ADCY3: variants seen among roughly 807,000 people sequenced by gnomAD.
ADCY3 encodes the protein adenylate cyclase 3.
ADCY3 carries 70 observed loss-of-function variants against 119.4 expected under a neutral mutation model. The ratio of observed to expected loss-of-function variants is 0.59; its 90% CI spans 0.48 to 0.72. The LOEUF (loss-of-function observed/expected upper bound fraction) is 0.72. ADCY3 is among the 30% of genes least tolerant of loss of function. The probability of loss-of-function intolerance (pLI) is 0.00; values close to 1 mark genes in which losing one functional copy is unlikely to be tolerated. For missense variants in ADCY3, 1,238 were observed against 1,541.6 expected (o/e 0.80, Z 3.30); for synonymous variants, 672 against 621.4 (o/e 1.08, Z -1.21).
At chr2:24,882,152 C>G (rs1228174080) in intron 2 of ADCY3, among the ~76,000 whole-genome samples, 1 of 152,168 alleles carries the variant, frequency 6.6e-6, no homozygotes, top group African/African-American at 2.4e-5. Context: ...CTGATACTTA[C>G]TGAACATAAA....
intron 2 of ADCY3, among the ~76,000 whole-genome samples, chr2:24,904,087 A>G (rs1396333960): frequency 1.3e-5 from 2 of 152,192 alleles, no homozygotes; most frequent in East Asian, 1.9e-4. Context: ...GAGAAAAGAC[A>G]TTAAGTGAAA....
chr2:24,864,592 C>T (rs1674063257), intron 3 of ADCY3, among the ~76,000 whole-genome samples: 2 of 152,312 alleles, frequency 1.3e-5, no homozygotes, highest in South Asian at 2.1e-4. Context: ...TTGAAGACAT[C>T]ATGCTAAGTG....
At chr2:24,883,241 G>A (rs571325551) in intron 2 of ADCY3, among the ~76,000 whole-genome samples, 7 of 152,236 alleles carry the variant, frequency 4.6e-5, no homozygotes, top group South Asian at 4.2e-4. Context: ...CCAGCTACTT[G>A]GGAAGCTGAG....
chr2:24,831,026 C>T (rs1211483576), intron 12 of ADCY3, among the ~76,000 whole-genome samples: 2 of 152,136 alleles, frequency 1.3e-5, no homozygotes, highest in East Asian at 1.9e-4. Flanking sequence ...TGGACCTCCT[C>T]GATGTGCCTG....
intron 3 of ADCY3, among the ~76,000 whole-genome samples, chr2:24,855,122 T>C (rs6760328): frequency 0.31 from 46,364 of 151,928 alleles, 7,274 homozygotes; most frequent in South Asian, 0.39. Flanking sequence ...CCCTTGGCTC[T>C]GGGCTGTGTG....
intron 3 of ADCY3, among the ~76,000 whole-genome samples, chr2:24,856,098 C>T (rs1275152027): frequency 6.6e-6 from 1 of 152,226 alleles, no homozygotes; most frequent in East Asian, 1.9e-4. Context: ...TAAGTTTCTA[C>T]AACATCCTTG....
At chr2:24,853,212 ATG>A (rs1431083207) in intron 3 of ADCY3, among the ~76,000 whole-genome samples, 1 of 152,082 alleles carries the variant, frequency 6.6e-6, no homozygotes, top group Non-Finnish European at 1.5e-5. Flanking sequence ...AGCCAGTGCG[ATG>A]TGTTTTGAGG....
At chr2:24,888,131 AT>A (rs1677280396) in intron 2 of ADCY3, among the ~76,000 whole-genome samples, 1 of 152,186 alleles carries the variant, frequency 6.6e-6, no homozygotes, top group East Asian at 1.9e-4. Flanking sequence ...CAAAACTCAA[AT>A]TTCATCACAA....
chr2:24,912,897 T>G (rs1396830642), intron 2 of ADCY3, among the ~76,000 whole-genome samples: 1 of 152,064 alleles, frequency 6.6e-6, no homozygotes. Flanking sequence ...AGGGAAAGGA[T>G]GGAGGGGTTG....
intron 16 of ADCY3, 83 bp from the exon 17 acceptor site, chr2:24,824,619 C>A (rs190892533): frequency 1.1e-5 from 16 of 1,479,472 alleles, no homozygotes; most frequent in Middle Eastern, 1.8e-4. Flanking sequence ...CCAGGCGTGG[C>A]GGTTCATGCC....
At chr2:24,863,886 T>C (rs1172009967) in intron 3 of ADCY3, among the ~76,000 whole-genome samples, 3 of 152,196 alleles carry the variant, frequency 2.0e-5, no homozygotes, top group Non-Finnish European at 2.9e-5. Context: ...ATAGGAATCC[T>C]TTGGGGAGGG....
At chr2:24,874,305 T>G (rs954669185) in intron 2 of ADCY3, among the ~76,000 whole-genome samples, 6 of 152,228 alleles carry the variant, frequency 3.9e-5, no homozygotes, top group Admixed American at 3.9e-4. Context: ...AATGACCTGT[T>G]GACCTCTTGG....
intron 21 of ADCY3, 56 bp from the exon 22 acceptor site, chr2:24,820,170 GCGGGT>G: frequency 7.5e-7 from 1 of 1,330,356 alleles, no homozygotes; most frequent in Non-Finnish European, 1.0e-6. Context: ...TAGACTGAGG[GCGGGT>G]GGGGGCTTTG....
At chr2:24,911,170 C>T (rs1663572283) in intron 2 of ADCY3, among the ~76,000 whole-genome samples, 1 of 151,680 alleles carries the variant, frequency 6.6e-6, no homozygotes, top group Non-Finnish European at 1.5e-5. Context: ...AAAACCCTAA[C>T]CCCGTTGGAA....
At chr2:24,827,408 T>C in intron 15 of ADCY3, 138 bp downstream of exon 15, 1 of 870,470 alleles carries the variant, frequency 1.1e-6, no homozygotes, top group African/African-American at 1.7e-5. Flanking sequence ...GAGGAACCCA[T>C]GCCAGCTTCT....
In ADCY3 at chr2:24,878,924, G is replaced by A. The variant is rs1676041151; in HGVS notation, c.676-6205C>T. 6.6e-6 allele frequency among the ~76,000 whole-genome samples: 1 copy of A among 152,084 alleles called. No individual in the cohort carries two copies. Among genetic ancestry groups the A allele is most frequent in the African/African-American group, 2.4e-5 (1 of 41,410 alleles). On this transcript the variant is annotated intron_variant, in intron 2 of 21. Transcript: ENST00000679454. The surrounding 1 kb of genome is among the most constrained non-coding windows in gnomAD (Gnocchi z 4.0). Reference sequence around the variant, plus strand: ...TGCCCTTCTCTGTCCTCACTCCTTCGCCTCGTCGCCTGGAAAGCAAACTCC... The same window carrying A: ...TGCCCTTCTCTGTCCTCACTCCTTCACCTCGTCGCCTGGAAAGCAAACTCC...
intron 2 of ADCY3, among the ~76,000 whole-genome samples, chr2:24,905,386 G>A (rs887832481): frequency 1.3e-5 from 2 of 151,960 alleles, no homozygotes; most frequent in South Asian, 2.1e-4. Flanking sequence ...CGCCCGCCTC[G>A]GCCTCCCAAA....
At chr2:24,892,136 G>C (rs554646606) in intron 2 of ADCY3, among the ~76,000 whole-genome samples, 1 of 151,764 alleles carries the variant, frequency 6.6e-6, no homozygotes, top group Admixed American at 6.6e-5. Context: ...CTTCCTTTAG[G>C]CATGTGTTTC....
chr2:24,865,491 G>C lies in ADCY3; in HGVS notation c.825+7079C>G, dbSNP rs79674006. Among the ~76,000 whole-genome samples the C allele has an allele frequency of 0.015, 535 of 36,212 alleles. 2 individuals are homozygous for C. In the African/African-American group the frequency reaches 0.22, roughly 15 times the overall value. 23.8% of individuals were successfully genotyped at this position (36,212 alleles called of 152,430 possible). A position where few individuals can be genotyped will look rare whatever the true frequency, so the allele number is the denominator to read the frequency against. On this transcript the variant is annotated intron_variant, in intron 3 of 21. Coordinates refer to ENST00000679454, the MANE Select transcript of ADCY3 (RefSeq NM_004036.5). ...CAAAAGAGTGAATAGGCTATCATCTGTGTGTGTGTGTGTGTGTGTGTGTGT... is the reference window on the plus strand; with the variant it reads ...CAAAAGAGTGAATAGGCTATCATCTCTGTGTGTGTGTGTGTGTGTGTGTGT...
Sources: gnomAD v4.1 joint callset for allele counts (sites outside exome capture counted in the v4.1 genomes callset) on GRCh38, gnomAD v4.1.1 for gene constraint, Gnocchi (gnomAD v3.1) non-coding constraint, MANE v1.5 for transcripts, NCBI Gene and HGNC (gene_info 2026-07-23, HGNC 2026-07-21) for gene names.